The following CNTNAP4 variants were observed in gnomAD, a reference collection of about 807,000 sequenced individuals.
CNTNAP4 encodes the protein contactin-associated protein-like 4.
Under a neutral mutation model 148.4 loss-of-function variants are expected in CNTNAP4, and 98 were observed. The ratio of observed to expected loss-of-function variants is 0.66; its 90% confidence interval spans 0.56 to 0.78. CNTNAP4 has a LOEUF of 0.78. CNTNAP4 is among the 30% of genes least tolerant of loss of function. CNTNAP4 has a pLI of 0.00. For synonymous variants in CNTNAP4, 730 were observed against 565.1 expected, an observed-to-expected ratio of 1.29 and a Z score of -4.14; for missense variants, 1,935 against 1,565.6, an observed-to-expected ratio of 1.24 and a Z score of -3.98.
At chr16:76,545,831 A>G (rs2084698723) in intron 21 of CNTNAP4, among the ~76,000 whole-genome samples, 1 of 152,140 alleles carries the variant, frequency 6.6e-6, no homozygotes. Flanking sequence ...ACGTCAGGAG[A>G]TTGAGATCAT....
chr16:76,345,219 A>C (rs1193031427), intron 2 of CNTNAP4, among the ~76,000 whole-genome samples: 2 of 152,176 alleles, frequency 1.3e-5, no homozygotes, highest in Non-Finnish European at 2.9e-5. Context: ...ATTGCCACTT[A>C]TCAGGAAGAA....
chr16:76,438,059 A>G (rs2079898053), intron 4 of CNTNAP4, among the ~76,000 whole-genome samples: 1 of 152,296 alleles, frequency 6.6e-6, no homozygotes, highest in Admixed American at 6.6e-5. Context: ...AACTTTGGGA[A>G]ATCCACATTT....
At chr16:76,493,083 T>C (rs781629396) in intron 13 of CNTNAP4, among the ~76,000 whole-genome samples, 2 of 152,128 alleles carry the variant, frequency 1.3e-5, no homozygotes, top group South Asian at 2.1e-4. Context: ...TTTTCTCAGA[T>C]TGGTGACCTC....
At chr16:76,455,073 T>A (rs1374248228) in intron 8 of CNTNAP4, among the ~76,000 whole-genome samples, 1 of 152,212 alleles carries the variant, frequency 6.6e-6, no homozygotes, top group African/African-American at 2.4e-5. Flanking sequence ...TCAGCTTAAA[T>A]CATTTTTGAA....
rs989417690 is a variant in CNTNAP4 at position 76,486,906 on chromosome 16, A to T, written c.1883-2780A>T. The stretch of plus-strand genomic sequence containing the variant: ...CACTGCATGTGCAGGTGGGAAATTG[A>T]GGTATGAGAGATTGATGCTGATTAG... On this transcript the variant is annotated intron_variant, in intron 12 of 23. Coordinates refer to ENST00000611870, the MANE Select transcript of CNTNAP4 (RefSeq NM_033401.5). Among the ~76,000 whole-genome samples, 6 of 152,160 alleles carry T rather than the reference A, an allele frequency of 3.9e-5. No homozygotes were observed. The East Asian group carries it at 1.2e-3, about 29-fold the overall frequency.
chr16:76,322,286 T>C (rs779025860), intron 2 of CNTNAP4, among the ~76,000 whole-genome samples: 10 of 152,280 alleles, frequency 6.6e-5, no homozygotes, highest in Admixed American at 4.6e-4. Flanking sequence ...CTTAAATCCA[T>C]AGGTGTACAG....
intron 3 of CNTNAP4, among the ~76,000 whole-genome samples, chr16:76,386,954 G>A (rs894593872): frequency 3.3e-5 from 5 of 152,102 alleles, no homozygotes; most frequent in African/African-American, 1.2e-4. Flanking sequence ...GCTTTTGTTG[G>A]CTTTGAAGAT....
intron 1 of CNTNAP4, among the ~76,000 whole-genome samples, chr16:76,313,454 C>T (rs951041196): frequency 6.6e-6 from 1 of 152,174 alleles, no homozygotes; most frequent in Non-Finnish European, 1.5e-5. Context: ...GTTTCCAGAG[C>T]ATACTAAAAC....
intron 17 of CNTNAP4, among the ~76,000 whole-genome samples, chr16:76,531,319 C>T (rs906667047): frequency 6.6e-6 from 1 of 152,168 alleles, no homozygotes; most frequent in Non-Finnish European, 1.5e-5. Flanking sequence ...ACAATAACGT[C>T]TGTCGCTTAT....
chr16:76,444,501 C>T (rs2080163065), intron 4 of CNTNAP4, among the ~76,000 whole-genome samples: 1 of 151,932 alleles, frequency 6.6e-6, no homozygotes, highest in Admixed American at 6.6e-5. Flanking sequence ...GTCTCTGTCA[C>T]CAGCATTTTT....
At chr16:76,531,977 T>C (rs1451345510) in intron 17 of CNTNAP4, among the ~76,000 whole-genome samples, 1 of 152,216 alleles carries the variant, frequency 6.6e-6, no homozygotes, top group Non-Finnish European at 1.5e-5. Context: ...ATTTCACATG[T>C]ATATACATTT....
At chr16:76,318,744 TAATC>T (rs943810433) in intron 2 of CNTNAP4, among the ~76,000 whole-genome samples, 3 of 146,178 alleles carry the variant, frequency 2.1e-5, no homozygotes, top group Non-Finnish European at 3.0e-5. Flanking sequence ...TTATTAATAA[TAATC>T]ATAATAATAT....
At chr16:76,369,235 A>T (rs889435970) in intron 3 of CNTNAP4, among the ~76,000 whole-genome samples, 1 of 152,164 alleles carries the variant, frequency 6.6e-6, no homozygotes, top group Admixed American at 6.5e-5. Flanking sequence ...TAACAAAATA[A>T]TACGTTCTTT....
At chr16:76,388,533 G>A (rs1006481231) in intron 3 of CNTNAP4, among the ~76,000 whole-genome samples, 1 of 152,236 alleles carries the variant, frequency 6.6e-6, no homozygotes, top group African/African-American at 2.4e-5. Context: ...TTCACACAAG[G>A]TAAAATGCAC....
chr16:76,355,397 C>T lies in CNTNAP4; in HGVS notation c.276C>T (p.Thr92=), dbSNP rs138220882. 8.1e-6 allele frequency: 13 copies of T among 1,610,588 alleles called. No homozygotes were observed. The highest frequency in any genetic ancestry group is 1.6e-4 in the Middle Eastern group (1 of 6,064). ...QIDLGERMEV[T]AVATQGGYGS... Reference sequence around the variant, plus strand: ...ACCTTGGAGAGAGAATGGAGGTCACCGCTGTGGCCACTCAAGGGGGATATG... The same window carrying T: ...ACCTTGGAGAGAGAATGGAGGTCACTGCTGTGGCCACTCAAGGGGGATATG... Residue 92 remains threonine (T), a synonymous_variant, in exon 3 of 24, where the codon ACC becomes ACT. Transcript: ENST00000611870.
rs2079981775 is a variant in CNTNAP4, at chr16:76,440,222, G to A, written c.539-7790G>A. ...CATTCTAGTTCTATTTACATTTTGGGGAGATTCCTAAAGAATTAATAAAAG... is the reference window on the plus strand; with the variant it reads ...CATTCTAGTTCTATTTACATTTTGGAGAGATTCCTAAAGAATTAATAAAAG... On this transcript the variant is annotated intron_variant, in intron 4 of 23. Transcript: ENST00000611870. 2.6e-5 allele frequency among the ~76,000 whole-genome samples: 4 copies of A among 151,856 alleles called. No homozygotes were observed. The South Asian group carries it at 6.2e-4, about 24-fold the overall frequency.
At chr16:76,449,099 C>A in intron 6 of CNTNAP4, 148 bp downstream of exon 6, 1 of 676,420 alleles carries the variant, frequency 1.5e-6, no homozygotes, top group South Asian at 1.9e-5. Context: ...CTCACAGTGG[C>A]AGCTTTCGGT....
chr16:76,301,300 T>G (rs1466905718), intron 1 of CNTNAP4, among the ~76,000 whole-genome samples: 1 of 152,186 alleles, frequency 6.6e-6, no homozygotes, highest in Admixed American at 6.5e-5. Flanking sequence ...AGGGTTACTT[T>G]CAACTGATGA....
chr16:76,525,581 A>G (rs956649462), intron 17 of CNTNAP4, among the ~76,000 whole-genome samples: 12 of 146,782 alleles, frequency 8.2e-5, no homozygotes, highest in Non-Finnish European at 1.5e-4. Context: ...ATTTGTATAT[A>G]TAAAAAATTT....
Sources: gnomAD v4.1 joint callset for allele counts (sites outside exome capture counted in the v4.1 genomes callset) on GRCh38, gnomAD v4.1.1 for gene constraint, MANE v1.5 for transcripts, NCBI Gene and HGNC (gene_info 2026-07-23, HGNC 2026-07-21) for gene names.